SGCZ: variants seen among roughly 807,000 people sequenced by gnomAD.
The protein encoded by SGCZ is zeta-sarcoglycan.
SGCZ carries 40 observed loss-of-function variants against 41.3 expected under a neutral mutation model. That is an observed-to-expected ratio of 0.97 (90% CI 0.75 to 1.26). The LOEUF is 1.26. Ranked by LOEUF, SGCZ falls within the 50% of genes most tolerant of loss-of-function variation. The pLI, the probability that SGCZ is intolerant of heterozygous loss-of-function variation, is 0.00. For synonymous variants in SGCZ, 206 were observed against 137.5 expected, an observed-to-expected ratio of 1.50 and a Z score of -3.49; for missense variants, 552 against 369.8, an observed-to-expected ratio of 1.49 and a Z score of -4.04.
intron 5 of SGCZ, among the ~76,000 whole-genome samples, chr8:14,137,303 G>A (rs1824731): frequency 0.25 from 38,212 of 152,178 alleles, 5,097 homozygotes; most frequent in African/African-American, 0.33. Context: ...CGCAAGCAAC[G>A]GAACAAAGAT....
chr8:14,216,560 T>C (rs1013520626), intron 4 of SGCZ, among the ~76,000 whole-genome samples: 1 of 152,194 alleles, frequency 6.6e-6, no homozygotes, highest in Non-Finnish European at 1.5e-5. Context: ...AAAAGAATCT[T>C]GCTCCATGAC....
intron 2 of SGCZ, among the ~76,000 whole-genome samples, chr8:14,502,787 AAG>A (rs1425227507): frequency 6.6e-6 from 1 of 152,232 alleles, no homozygotes; most frequent in East Asian, 1.9e-4. Context: ...AATCATTAAA[AAG>A]TCAAGAAAGA....
intron 6 of SGCZ, among the ~76,000 whole-genome samples, chr8:14,105,768 G>T (rs2220204): frequency 1.3e-5 from 2 of 151,788 alleles, no homozygotes; most frequent in African/African-American, 2.4e-5. Context: ...AATATCATTC[G>T]CATTTTCACT....
intron 1 of SGCZ, among the ~76,000 whole-genome samples, chr8:14,640,606 A>T (rs1011175450): frequency 7.3e-6 from 1 of 136,518 alleles, no homozygotes; most frequent in Non-Finnish European, 1.5e-5. Context: ...AAAACACCAC[A>T]CATATATATA....
intron 1 of SGCZ, among the ~76,000 whole-genome samples, chr8:15,046,544 G>C (rs1284056359): frequency 6.6e-6 from 1 of 151,854 alleles, no homozygotes; most frequent in Admixed American, 6.6e-5. Context: ...GTCATTCTTT[G>C]AACACTTTCT....
At chr8:14,410,975 T>C (rs962610443) in intron 2 of SGCZ, among the ~76,000 whole-genome samples, 3 of 152,132 alleles carry the variant, frequency 2.0e-5, no homozygotes, top group Non-Finnish European at 4.4e-5. Context: ...AAAATTTCAA[T>C]AGCAATTTTA....
intron 1 of SGCZ, among the ~76,000 whole-genome samples, chr8:15,212,845 C>T (rs539823929): frequency 2.0e-4 from 31 of 152,180 alleles, no homozygotes; most frequent in African/African-American, 5.8e-4. Context: ...AAAAAGACTT[C>T]AACATCATTA....
chr8:14,148,362 C>T (rs1305897202), intron 5 of SGCZ, among the ~76,000 whole-genome samples: 2 of 151,816 alleles, frequency 1.3e-5, no homozygotes, highest in African/African-American at 2.4e-5. Context: ...GGAGTCATTA[C>T]AACTGACACT....
At chr8:14,905,955 T>C (rs1799109892) in intron 1 of SGCZ, among the ~76,000 whole-genome samples, 1 of 151,916 alleles carries the variant, frequency 6.6e-6, no homozygotes, top group South Asian at 2.1e-4. Context: ...AATATACCTA[T>C]GAGGAAGATA....
intron 4 of SGCZ, among the ~76,000 whole-genome samples, chr8:14,217,394 C>T (rs184059280): frequency 2.5e-4 from 37 of 150,270 alleles, no homozygotes; most frequent in Non-Finnish European, 4.0e-4. Flanking sequence ...TCTAAAGAAA[C>T]GCCTATTGTC....
chr8:15,050,714 G>T (rs895195142), intron 1 of SGCZ, among the ~76,000 whole-genome samples: 40 of 152,108 alleles, frequency 2.6e-4, no homozygotes, highest in African/African-American at 9.4e-4. Context: ...ATAGTGAATT[G>T]AAGCTGATGT....
intron 1 of SGCZ, chr8:14,690,732 A>G (rs901559765): frequency 3.3e-5 from 5 of 152,194 alleles, no homozygotes; most frequent in Non-Finnish European, 7.4e-5. Context: ...CATTCTGTTC[A>G]GAATATGGCT....
At chr8:14,215,997 G>T (rs914869772) in intron 4 of SGCZ, among the ~76,000 whole-genome samples, 1 of 152,200 alleles carries the variant, frequency 6.6e-6, no homozygotes, top group Non-Finnish European at 1.5e-5. Flanking sequence ...GCTGTAAAAA[G>T]GCAGCAGCTG....
intron 1 of SGCZ, among the ~76,000 whole-genome samples, chr8:15,188,684 G>A (rs1401120131): frequency 6.6e-6 from 1 of 152,094 alleles, no homozygotes; most frequent in African/African-American, 2.4e-5. Flanking sequence ...AATAATTACT[G>A]TTTTAAAGTT....
chr8:14,517,328 A>T (rs915834410), intron 2 of SGCZ, among the ~76,000 whole-genome samples: 11 of 152,126 alleles, frequency 7.2e-5, no homozygotes, highest in Admixed American at 5.9e-4. Context: ...TAGGAGCTAC[A>T]TGATCTCTTT....
chr8:14,145,563 G>T (rs1244424218), intron 5 of SGCZ, among the ~76,000 whole-genome samples: 3 of 152,098 alleles, frequency 2.0e-5, no homozygotes, highest in Non-Finnish European at 1.5e-5. Context: ...CACTATCCAG[G>T]AAAACATGAC....
chr8:15,010,347 A>T (rs921982439), intron 1 of SGCZ, among the ~76,000 whole-genome samples: 7 of 152,188 alleles, frequency 4.6e-5, no homozygotes, highest in African/African-American at 1.7e-4. Context: ...ATTCTACCTC[A>T]TCTATCATTT....
At chr8:14,116,261 G>C (rs532080395) in intron 5 of SGCZ, among the ~76,000 whole-genome samples, 69 of 152,176 alleles carry the variant, frequency 4.5e-4, no homozygotes, top group African/African-American at 1.6e-3. Context: ...ATGAGCCTGA[G>C]CTGCATAGTT....
chr8:14,510,760 T>C (rs537868205), intron 2 of SGCZ, among the ~76,000 whole-genome samples: 1 of 152,048 alleles, frequency 6.6e-6, no homozygotes, highest in Admixed American at 6.6e-5. Context: ...TTTAGAAAAC[T>C]TGCAGTTGTG....
Sources: gnomAD v4.1 joint callset for allele counts (sites outside exome capture counted in the v4.1 genomes callset) on GRCh38, gnomAD v4.1.1 for gene constraint, MANE v1.5 for transcripts, NCBI Gene and HGNC (gene_info 2026-07-23, HGNC 2026-07-21) for gene names.